PCSK6: variants seen among roughly 807,000 people sequenced by gnomAD.
PCSK6 encodes paired basic amino acid cleaving enzyme 4.
In PCSK6, 85 loss-of-function variants were observed where a neutral mutation model predicts 123.3. The ratio of observed to expected loss-of-function variants is 0.69; its 90% confidence interval spans 0.58 to 0.83. PCSK6 has a LOEUF of 0.83. PCSK6 is among the 40% of genes least tolerant of loss of function. PCSK6 has a pLI of 0.00. For missense variants in PCSK6, 1,191 were observed against 1,282.3 expected, an observed-to-expected ratio of 0.93 and a Z score of 1.09; for synonymous variants, 508 against 516.0, an observed-to-expected ratio of 0.98 and a Z score of 0.21.
At chr15:101,334,964 T>A (rs1308170148) in intron 13 of PCSK6, among the ~76,000 whole-genome samples, 1 of 152,160 alleles carries the variant, frequency 6.6e-6, no homozygotes, top group Non-Finnish European at 1.5e-5. Flanking sequence ...TGTGTATGTG[T>A]GTATGTGTGT....
intron 6 of PCSK6, among the ~76,000 whole-genome samples, chr15:101,416,979 G>A (rs1296662676): frequency 2.0e-5 from 3 of 152,246 alleles, no homozygotes; most frequent in Admixed American, 1.3e-4. Context: ...CCCCCACAAA[G>A]AGTCCCTACT....
chr15:101,384,025 G>T, intron 10 of PCSK6: 22 of 806,432 alleles, frequency 2.7e-5, no homozygotes, highest in Non-Finnish European at 3.3e-5. Flanking sequence ...ACACGTCATT[G>T]CTCCTGGCTT....
intron 13 of PCSK6, among the ~76,000 whole-genome samples, chr15:101,344,260 T>C (rs920073290): frequency 2.0e-5 from 3 of 152,214 alleles, no homozygotes; most frequent in East Asian, 1.9e-4. Flanking sequence ...CTGTGTGAGT[T>C]TGTCATTTTC....
chr15:101,399,204 A>T (rs982832860), intron 6 of PCSK6, among the ~76,000 whole-genome samples: 5 of 152,220 alleles, frequency 3.3e-5, no homozygotes, highest in African/African-American at 1.2e-4. Context: ...CCTGGCCAAA[A>T]GGCACATTTC....
intron 13 of PCSK6, among the ~76,000 whole-genome samples, chr15:101,362,101 T>TA (rs1567165300): frequency 6.6e-6 from 1 of 151,436 alleles, no homozygotes; most frequent in East Asian, 1.9e-4. Flanking sequence ...GGACTACAGG[T>TA]GCCCGCCACC....
chr15:101,305,630 C>A lies in PCSK6; in HGVS notation c.2813-275G>T. On this transcript the variant is annotated intron_variant, in intron 21 of 21. Coordinates refer to ENST00000611716, the MANE Select transcript of PCSK6 (RefSeq NM_002570.5). The surrounding 1 kb of genome is among the most constrained non-coding windows in gnomAD (Gnocchi z 4.8). Reference sequence around the variant, plus strand: ...GGCTAAAGCAGGAGAACCACCTGAACCCAGGAGGCAGAGGTTGCAGTGAGC... The same window carrying A: ...GGCTAAAGCAGGAGAACCACCTGAAACCAGGAGGCAGAGGTTGCAGTGAGC... 2.8e-6 allele frequency: 1 copy of A among 356,938 alleles called. No individual in the cohort carries two copies. Among genetic ancestry groups the A allele is most frequent in the Non-Finnish European group, 5.2e-6 (1 of 191,164 alleles). 22.1% of individuals were successfully genotyped at this position (356,938 alleles called of 1,614,324 possible).
At position 101,379,951 on chromosome 15, in the gene PCSK6, G is replaced by T. The variant is rs144803408; in HGVS notation, c.1532+2141C>A. On this transcript the variant is annotated intron_variant, in intron 11 of 21. Coordinates refer to ENST00000611716, the MANE Select transcript of PCSK6 (RefSeq NM_002570.5). ...GTAACACCCCTCTCTCTGGAGGCCC[G>T]TATGTCCTCTGCAACAACCACGTTA... 3.0e-3 allele frequency among the ~76,000 whole-genome samples: 453 copies of T among 152,260 alleles called. 1 individual carries two copies. Among genetic ancestry groups the T allele is most frequent in the African/African-American group, 0.01 (419 of 41,548 alleles).
chr15:101,367,051 G>A (rs759052709), intron 12 of PCSK6, among the ~76,000 whole-genome samples: 1 of 152,168 alleles, frequency 6.6e-6, no homozygotes, highest in Non-Finnish European at 1.5e-5. Context: ...GAGAGCGGGG[G>A]GAGGAGACAG....
chr15:101,353,759 G>C (rs924013112), intron 13 of PCSK6, among the ~76,000 whole-genome samples: 2 of 152,202 alleles, frequency 1.3e-5, no homozygotes, highest in African/African-American at 4.8e-5. Context: ...TACTGCCTTG[G>C]AGAGGCGTGG....
intron 2 of PCSK6, among the ~76,000 whole-genome samples, chr15:101,437,413 G>A (rs1266971080): frequency 1.3e-5 from 2 of 152,200 alleles, no homozygotes; most frequent in African/African-American, 4.8e-5. Flanking sequence ...AGCCCGGGCA[G>A]TAGAGGAGGG....
At chr15:101,462,390 A>G (rs1007099604) in intron 1 of PCSK6, among the ~76,000 whole-genome samples, 11 of 152,264 alleles carry the variant, frequency 7.2e-5, no homozygotes, top group African/African-American at 2.4e-4. Context: ...AATTTCAGTC[A>G]AAATCCCAAC....
intron 12 of PCSK6, 26 bp from the exon 13 acceptor site, chr15:101,366,358 A>G (rs1158515575): frequency 1.9e-6 from 3 of 1,607,168 alleles, no homozygotes; most frequent in Middle Eastern, 1.7e-4. Context: ...TGGTGTCAGA[A>G]ATGAAGGTGC....
intron 13 of PCSK6, chr15:101,346,912 T>G: frequency 1.6e-6 from 2 of 1,231,664 alleles, no homozygotes; most frequent in Non-Finnish European, 2.0e-6. Context: ...GATACATACT[T>G]CTTTTTTTCT....
rs1332997948 is a variant in PCSK6 at position 101,339,903 on chromosome 15, C to T, written c.1859-7872G>A. ...CCAGCCTGGGTGACAGAGCAAGACC[C>T]TTTCTCAATATATATATATATATAT... On this transcript the variant is annotated intron_variant, in intron 13 of 21. Transcript: ENST00000611716. Among the ~76,000 whole-genome samples, 4 of 125,806 alleles carry T rather than the reference C, an allele frequency of 3.2e-5. No homozygotes were observed. The East Asian group carries it at 6.8e-4, about 21-fold the overall frequency. 82.5% of individuals were successfully genotyped at this position (125,806 alleles called of 152,430 possible).
At chr15:101,340,328 A>G (rs77338969) in intron 13 of PCSK6, among the ~76,000 whole-genome samples, 4,991 of 152,334 alleles carry the variant, frequency 0.033, 251 homozygotes, top group African/African-American at 0.11. Flanking sequence ...GAAAGATGGT[A>G]TTTTAAATGC....
chr15:101,420,695 A>G (rs1187323051), intron 6 of PCSK6, among the ~76,000 whole-genome samples: 1 of 152,190 alleles, frequency 6.6e-6, no homozygotes, highest in Non-Finnish European at 1.5e-5. Flanking sequence ...TTATTAAAAA[A>G]TTATATATGA....
intron 18 of PCSK6, 119 bp from the exon 19 acceptor site, chr15:101,318,541 C>T (rs763832670): frequency 3.6e-6 from 3 of 834,278 alleles, no homozygotes; most frequent in African/African-American, 1.7e-5. Context: ...TTTGTGTCAC[C>T]GAAAGTTCTC....
chr15:101,428,000 C>A lies in PCSK6; in HGVS notation c.735-20G>T. 1 of 1,550,052 alleles carries A rather than the reference C, an allele frequency of 6.5e-7. No homozygotes were observed. The highest frequency in any genetic ancestry group is 8.7e-7 in the Non-Finnish European group (1 of 1,144,392). ...CCGTGTCTGAAACAAAGGAAAAAAC[C>A]AAGTGAGGACGCAGCCCAGCAAGTT... On this transcript the variant is annotated intron_variant, in intron 5 of 21. Coordinates refer to ENST00000611716, the MANE Select transcript of PCSK6 (RefSeq NM_002570.5).
chr15:101,477,245 G>A (rs142485341), intron 1 of PCSK6, among the ~76,000 whole-genome samples: 40 of 150,198 alleles, frequency 2.7e-4, no homozygotes, highest in African/African-American at 7.6e-4. Flanking sequence ...ATGTGTGTGC[G>A]TGTGTGTGTG....
Sources: allele counts gnomAD v4.1 joint callset (sites outside exome capture counted in the v4.1 genomes callset), GRCh38; gene constraint gnomAD v4.1.1; non-coding constraint Gnocchi (gnomAD v3.1); transcripts MANE v1.5; gene names NCBI Gene and HGNC (gene_info 2026-07-23, HGNC 2026-07-21).